Variants in MEIS1 observed in about 807,000 individuals in gnomAD.
The protein encoded by MEIS1 is Meis homeobox 1.
MEIS1 carries 5 observed loss-of-function variants against 50.8 expected under a neutral mutation model. That is an observed-to-expected ratio of 0.10 (90% CI 0.05 to 0.21). The LOEUF (loss-of-function observed/expected upper bound fraction) is 0.21. Ranked by LOEUF, MEIS1 falls within the 10% of genes least tolerant of loss-of-function variation. The pLI, the probability that MEIS1 is intolerant of heterozygous loss-of-function variation, is 1.00. For synonymous variants in MEIS1, 176 were observed against 179.3 expected (o/e 0.98, Z 0.15); for missense variants, 318 against 517.3 (o/e 0.61, Z 3.74).
chr2:66,480,156 G>C (rs747275965), intron 7 of MEIS1, among the ~76,000 whole-genome samples: 8 of 152,176 alleles, frequency 5.3e-5, no homozygotes, highest in Non-Finnish European at 1.0e-4. Flanking sequence ...TAATTTGCAA[G>C]TTTAATGTAA....
At chr2:66,438,351 A>G (rs992662468) in intron 2 of MEIS1, among the ~76,000 whole-genome samples, 1 of 152,230 alleles carries the variant, frequency 6.6e-6, no homozygotes, top group Non-Finnish European at 1.5e-5. Flanking sequence ...TTTTAGTTTA[A>G]GGGAAAATCT....
At chr2:66,533,179 A>G (rs4433986) in intron 8 of MEIS1, among the ~76,000 whole-genome samples, 91,124 of 151,948 alleles carry the variant, frequency 0.6, 27,855 homozygotes, top group East Asian at 0.81. Context: ...TTTCTGCCAA[A>G]TGTGGTGCTC....
chr2:66,540,547 T>G (rs1245780396), intron 8 of MEIS1, among the ~76,000 whole-genome samples: 3 of 152,172 alleles, frequency 2.0e-5, no homozygotes, highest in East Asian at 1.9e-4. Context: ...ATCCACCCAC[T>G]TTGGCCTTCC....
At chr2:66,483,815 A>G (rs1416512673) in intron 7 of MEIS1, among the ~76,000 whole-genome samples, 1 of 152,206 alleles carries the variant, frequency 6.6e-6, no homozygotes, top group African/African-American at 2.4e-5. Context: ...GATTGGGTTA[A>G]GGTTGAGTGT....
intron 8 of MEIS1, among the ~76,000 whole-genome samples, chr2:66,543,525 TACACATGTGC>T (rs1674707806): frequency 6.6e-6 from 1 of 152,180 alleles, no homozygotes; most frequent in Admixed American, 6.6e-5. Flanking sequence ...ACCAGCCTAA[TACACATGTGC>T]AGGTTTAATG....
intron 7 of MEIS1, among the ~76,000 whole-genome samples, chr2:66,489,968 T>A (rs1194998224): frequency 1.1e-4 from 17 of 152,224 alleles, no homozygotes; most frequent in Non-Finnish European, 2.5e-4. Context: ...AATATTGATC[T>A]CTTTCAGAGA....
At chr2:66,494,162 C>T (rs1673340392) in intron 7 of MEIS1, among the ~76,000 whole-genome samples, 1 of 152,186 alleles carries the variant, frequency 6.6e-6, no homozygotes, top group Admixed American at 6.5e-5. Flanking sequence ...AGCCTTCTCA[C>T]TCCTTTCAAT....
chr2:66,554,163 A>G (rs1674993929), intron 9 of MEIS1, among the ~76,000 whole-genome samples: 1 of 152,194 alleles, frequency 6.6e-6, no homozygotes, highest in Non-Finnish European at 1.5e-5. Context: ...GTGAGTTGGG[A>G]GACTGATTTA....
intron 6 of MEIS1, 106 bp downstream of exon 6, chr2:66,443,154 C>G: frequency 2.4e-6 from 3 of 1,263,136 alleles, no homozygotes; most frequent in Non-Finnish European, 3.2e-6. Flanking sequence ...ATGATTAAGT[C>G]CCTTTTAGAT....
At chr2:66,521,243 A>G (rs530232844) in intron 8 of MEIS1, among the ~76,000 whole-genome samples, 1 of 152,350 alleles carries the variant, frequency 6.6e-6, no homozygotes, top group African/African-American at 2.4e-5. Context: ...AGAAATATGT[A>G]ATTCTCTACC....
Position 66,435,779 on chromosome 2 carries a change from TG to T in MEIS1, c.-77del. The T allele has an allele frequency of 1.1e-6, 1 of 932,386 alleles. No homozygotes were observed. The highest frequency in any genetic ancestry group is 1.5e-6 in the Non-Finnish European group (1 of 646,998). 57.8% of individuals were successfully genotyped at this position (932,386 alleles called of 1,614,324 possible). Reference sequence around the variant, plus strand: ...TTTTTTTTTTTTTTCCGGGGGAGTTTGAATATTTGTTTCTTTTCACACTGGC... The same window carrying T: ...TTTTTTTTTTTTTTCCGGGGGAGTTTAATATTTGTTTCTTTTCACACTGGC... On this transcript the variant is annotated 5_prime_UTR_variant, in exon 1 of 13. Coordinates refer to ENST00000272369, the MANE Select transcript of MEIS1 (RefSeq NM_002398.3).
intron 9 of MEIS1, among the ~76,000 whole-genome samples, chr2:66,564,995 G>T (rs942289534): frequency 3.3e-4 from 50 of 152,018 alleles, no homozygotes; most frequent in African/African-American, 1.2e-3. Flanking sequence ...TTATAGATGG[G>T]GTGGCCTCTT....
At chr2:66,505,352 A>G (rs1199643992) in intron 7 of MEIS1, among the ~76,000 whole-genome samples, 2 of 152,200 alleles carry the variant, frequency 1.3e-5, no homozygotes, top group African/African-American at 2.4e-5. Flanking sequence ...GTTACAGTGA[A>G]CTATGATCAT....
At chr2:66,511,947 G>T (rs543154644) in intron 7 of MEIS1, among the ~76,000 whole-genome samples, 1 of 152,306 alleles carries the variant, frequency 6.6e-6, no homozygotes, top group African/African-American at 2.4e-5. Flanking sequence ...TTTGGAAGAA[G>T]TTCTTTAGAC....
intron 8 of MEIS1, among the ~76,000 whole-genome samples, chr2:66,522,417 G>T (rs1674147133): frequency 6.6e-6 from 1 of 152,206 alleles, no homozygotes; most frequent in Non-Finnish European, 1.5e-5. Context: ...CAGCTCCATT[G>T]AGACAACAGT....
intron 9 of MEIS1, among the ~76,000 whole-genome samples, chr2:66,551,848 AG>A (rs1331090132): frequency 1.3e-5 from 2 of 152,064 alleles, no homozygotes; most frequent in Admixed American, 6.6e-5. Flanking sequence ...TAATAGCATC[AG>A]GGGCTTTTGT....
At chr2:66,562,038 A>ATTTTTTTTTTTCTTTTTTTTTTTTTTT (rs1675225968) in intron 9 of MEIS1, 1 of 61,274 alleles carries the variant, frequency 1.6e-5, no homozygotes, top group Non-Finnish European at 2.8e-5. Flanking sequence ...TGAGCAAGTA[A>ATTTTTTTTTTTCTTTTTTTTTTTTTTT]TTTTTTTTTT....
chr2:66,477,177 G>A (rs1467073316), intron 7 of MEIS1, among the ~76,000 whole-genome samples: 1 of 152,176 alleles, frequency 6.6e-6, no homozygotes, highest in Admixed American at 6.5e-5. Flanking sequence ...AATTGGAGCA[G>A]GGGGAGGCTG....
chr2:66,499,202 G>A lies in MEIS1; in HGVS notation c.743-12947G>A, dbSNP rs909621701. On this transcript the variant is annotated intron_variant, in intron 7 of 12. Transcript: ENST00000272369. The stretch of plus-strand genomic sequence containing the variant: ...ATTTTCAGATAGATTTGCAGTAAGA[G>A]AATAACAAGTCTTTATTTTTTTCAT... 3.3e-5 allele frequency among the ~76,000 whole-genome samples: 5 copies of A among 152,228 alleles called. No homozygotes were observed. In the South Asian group the frequency reaches 6.2e-4, roughly 19 times the overall value.
Sources: allele counts gnomAD v4.1 joint callset (sites outside exome capture counted in the v4.1 genomes callset), GRCh38; gene constraint gnomAD v4.1.1; transcripts MANE v1.5; gene names NCBI Gene and HGNC (gene_info 2026-07-23, HGNC 2026-07-21).